Variants in BRINP3 observed in about 807,000 individuals in gnomAD.
The protein encoded by BRINP3 is BMP/retinoic acid inducible neural specific 3, also known as BMP/retinoic acid-inducible neural-specific protein 3.
Under a neutral mutation model 71.0 loss-of-function variants are expected in BRINP3, and 19 were observed. The ratio of observed to expected loss-of-function variants is 0.27; its 90% CI spans 0.19 to 0.39. The LOEUF is 0.39. Ranked by LOEUF, BRINP3 falls within the 10% of genes least tolerant of loss-of-function variation. The probability of loss-of-function intolerance (pLI) is 1.00; values close to 1 mark genes in which losing one functional copy is unlikely to be tolerated. For missense variants in BRINP3, 959 were observed against 940.8 expected (o/e 1.02, Z -0.25); for synonymous variants, 380 against 337.7 (o/e 1.13, Z -1.37).
At chr1:190,441,808 T>G (rs1674841728) in intron 2 of BRINP3, among the ~76,000 whole-genome samples, 1 of 152,110 alleles carries the variant, frequency 6.6e-6, no homozygotes, top group Admixed American at 6.6e-5. Flanking sequence ...AATAGTAATG[T>G]GAAGTCTGAG....
At chr1:190,366,195 A>G (rs1178107606) in intron 2 of BRINP3, among the ~76,000 whole-genome samples, 1 of 152,150 alleles carries the variant, frequency 6.6e-6, no homozygotes, top group Non-Finnish European at 1.5e-5. Flanking sequence ...TATAAACGAA[A>G]GAAGTTTAAT....
In BRINP3 at chr1:190,396,185, G is replaced by T. The variant is rs188595083; in HGVS notation, c.236+58470C>A. On this transcript the variant is annotated intron_variant, in intron 2 of 7. Coordinates refer to ENST00000367462, the MANE Select transcript of BRINP3 (RefSeq NM_199051.3). ...TTAAATAAGTTATTTAATGTCACAC[G>T]GCTAGTAAATGAGTAATGCTGGAAT... 3.9e-5 allele frequency among the ~76,000 whole-genome samples: 6 copies of T among 151,958 alleles called. No individual in the cohort carries two copies. The East Asian group carries it at 5.8e-4, about 15-fold the overall frequency.
intron 2 of BRINP3, among the ~76,000 whole-genome samples, chr1:190,287,671 T>C (rs10920685): frequency 0.017 from 2,602 of 152,184 alleles, 74 homozygotes; most frequent in African/African-American, 0.059. Context: ...CAGAAGACAA[T>C]TGGCATGACT....
intron 3 of BRINP3, among the ~76,000 whole-genome samples, chr1:190,277,825 T>C (rs543615914): frequency 6.6e-6 from 1 of 151,894 alleles, no homozygotes; most frequent in South Asian, 2.1e-4. Context: ...ATTGAGTAGC[T>C]TATTTTAGAT....
intron 2 of BRINP3, among the ~76,000 whole-genome samples, chr1:190,322,162 A>G (rs569370470): frequency 6.6e-6 from 1 of 152,148 alleles, no homozygotes; most frequent in South Asian, 2.1e-4. Context: ...AAGCTGAAGA[A>G]TATGGTATTT....
At chr1:190,351,383 T>G (rs1156474135) in intron 2 of BRINP3, among the ~76,000 whole-genome samples, 1 of 152,128 alleles carries the variant, frequency 6.6e-6, no homozygotes, top group African/African-American at 2.4e-5. Context: ...ACTTGTAATT[T>G]TTTCAATAGT....
At chr1:190,261,466 T>C (rs868033147) in intron 4 of BRINP3, among the ~76,000 whole-genome samples, 36 of 152,160 alleles carry the variant, frequency 2.4e-4, no homozygotes, top group African/African-American at 7.7e-4. Context: ...TTTATATTCA[T>C]AATTATAAAA....
chr1:190,202,884 C>A (rs1194382520), intron 6 of BRINP3, among the ~76,000 whole-genome samples: 1 of 152,048 alleles, frequency 6.6e-6, no homozygotes, highest in African/African-American at 2.4e-5. Flanking sequence ...TTATCAGCAG[C>A]ATGAAAATGG....
At chr1:190,313,777 T>G (rs1049229043) in intron 2 of BRINP3, among the ~76,000 whole-genome samples, 3 of 152,058 alleles carry the variant, frequency 2.0e-5, no homozygotes, top group Non-Finnish European at 2.9e-5. Flanking sequence ...TACAGACATA[T>G]AGCTATTAAG....
intron 2 of BRINP3, among the ~76,000 whole-genome samples, chr1:190,286,584 A>T (rs890168864): frequency 6.6e-6 from 1 of 152,128 alleles, no homozygotes; most frequent in Non-Finnish European, 1.5e-5. Flanking sequence ...GAAAAGATTT[A>T]CCTTTAACTG....
At chr1:190,352,362 C>A (rs927329102) in intron 2 of BRINP3, among the ~76,000 whole-genome samples, 4 of 151,832 alleles carry the variant, frequency 2.6e-5, no homozygotes, top group Non-Finnish European at 4.4e-5. Context: ...GTTTCAAATG[C>A]GAAGGGTAAA....
At chr1:190,148,828 C>T (rs984273810) in intron 7 of BRINP3, among the ~76,000 whole-genome samples, 3 of 151,700 alleles carry the variant, frequency 2.0e-5, no homozygotes, top group Non-Finnish European at 4.4e-5. Flanking sequence ...ATGTTTTTTG[C>T]ATGAATTTAA....
chr1:190,335,590 ATCTT>A (rs1489484829), intron 2 of BRINP3, among the ~76,000 whole-genome samples: 2 of 151,866 alleles, frequency 1.3e-5, no homozygotes, highest in Non-Finnish European at 2.9e-5. Flanking sequence ...TTTGTATAAA[ATCTT>A]AACCCCAAAT....
chr1:190,402,827 G>C (rs752998095), intron 2 of BRINP3, among the ~76,000 whole-genome samples: 1 of 152,058 alleles, frequency 6.6e-6, no homozygotes, highest in Non-Finnish European at 1.5e-5. Flanking sequence ...AACCTCCCAG[G>C]CTCAAGCAAT....
chr1:190,439,027 G>C (rs901797617), intron 2 of BRINP3, among the ~76,000 whole-genome samples: 3 of 151,826 alleles, frequency 2.0e-5, no homozygotes, highest in African/African-American at 7.2e-5. Context: ...TCTGATTTAA[G>C]TTTATTCTTT....
intron 1 of BRINP3, among the ~76,000 whole-genome samples, chr1:190,459,923 T>C (rs1676270324): frequency 6.6e-6 from 1 of 151,982 alleles, no homozygotes; most frequent in Non-Finnish European, 1.5e-5. Context: ...TACCATATTA[T>C]CACTCTCTGT....
intron 7 of BRINP3, among the ~76,000 whole-genome samples, chr1:190,146,068 G>C (rs1299043369): frequency 2.6e-5 from 4 of 152,078 alleles, no homozygotes; most frequent in Non-Finnish European, 5.9e-5. Flanking sequence ...GTTAAAAGGG[G>C]AGTGAGGGAT....
chr1:190,114,526 C>CTGTG (rs34766118), intron 7 of BRINP3, among the ~76,000 whole-genome samples: 9,668 of 143,028 alleles, frequency 0.068, 409 homozygotes, highest in East Asian at 0.12. Flanking sequence ...AAGTTTGCCA[C>CTGTG]TGTGTGTGTG....
intron 2 of BRINP3, among the ~76,000 whole-genome samples, chr1:190,365,418 A>T (rs1669418543): frequency 6.6e-6 from 1 of 151,518 alleles, no homozygotes; most frequent in Admixed American, 6.6e-5. Flanking sequence ...ACTAGACAGA[A>T]TCCCAGCTGT....
Sources: allele counts gnomAD v4.1 joint callset (sites outside exome capture counted in the v4.1 genomes callset), GRCh38; gene constraint gnomAD v4.1.1; transcripts MANE v1.5; gene names NCBI Gene and HGNC (gene_info 2026-07-23, HGNC 2026-07-21).